CNNM2: variants seen among roughly 807,000 people sequenced by gnomAD.
CNNM2 encodes the protein metal transporter CNNM2.
In CNNM2, 12 loss-of-function variants were observed where a neutral mutation model predicts 66.9. The ratio of observed to expected loss-of-function variants is 0.18; its 90% confidence interval spans 0.11 to 0.29. CNNM2 has a LOEUF of 0.29. CNNM2 is among the 10% of genes least tolerant of loss of function. CNNM2 has a pLI of 1.00. For missense variants in CNNM2, 705 were observed against 1,167.7 expected, an observed-to-expected ratio of 0.60 and a Z score of 5.77; for synonymous variants, 557 against 501.8, an observed-to-expected ratio of 1.11 and a Z score of -1.47.
intron 4 of CNNM2, among the ~76,000 whole-genome samples, chr10:103,060,886 C>G (rs926269532): frequency 6.6e-6 from 1 of 151,756 alleles, no homozygotes; most frequent in Non-Finnish European, 1.5e-5. Flanking sequence ...AAATAAAAGT[C>G]CTAAATAGCA....
chr10:102,975,417 G>A (rs1229855623), intron 1 of CNNM2, among the ~76,000 whole-genome samples: 4 of 148,426 alleles, frequency 2.7e-5, no homozygotes, highest in Non-Finnish European at 4.5e-5. Context: ...TGAACTGGAT[G>A]GTGAATTTGC....
intron 1 of CNNM2, among the ~76,000 whole-genome samples, chr10:103,037,308 A>AG (rs1370636474): frequency 2.7e-5 from 4 of 150,630 alleles, no homozygotes; most frequent in South Asian, 2.1e-4. Context: ...ATTTTCATAG[A>AG]GGGGGGCCTC....
rs2065788885 is a variant in CNNM2 at position 103,084,865 on chromosome 10, ATTTT to A, written c.*7686_*7689del. On this transcript the variant is annotated 3_prime_UTR_variant, in exon 8 of 8. Coordinates refer to ENST00000369878, the MANE Select transcript of CNNM2 (RefSeq NM_017649.5). Reference sequence around the variant, plus strand: ...GCCTGGAGTTGATTTCTGGAAACTTATTTTATACTTTTTGAAGGTAATTTAAAAG... The same window carrying A: ...GCCTGGAGTTGATTTCTGGAAACTTAATACTTTTTGAAGGTAATTTAAAAG... 5.3e-5 allele frequency: 8 copies of A among 152,176 alleles called. No homozygotes were observed. The highest frequency in any genetic ancestry group is 5.2e-4 in the Admixed American group (8 of 15,274). The allele number at this position is 152,176 out of a possible 1,614,324, so 9.4% of individuals were successfully genotyped here. A position where few individuals can be genotyped will look rare whatever the true frequency, so the allele number is the denominator to read the frequency against.
In CNNM2 at chr10:103,086,416, T is replaced by A. The variant is rs2065811943; in HGVS notation, c.*9236T>A. The A allele has an allele frequency of 6.6e-6, 1 of 152,076 alleles. No individual in the cohort carries two copies. Among genetic ancestry groups the A allele is most frequent in the African/African-American group, 2.4e-5 (1 of 41,406 alleles). 9.4% of individuals were successfully genotyped at this position (152,076 alleles called of 1,614,324 possible). ...GACAGATTAAATAGTTTCCATAACA[T>A]GGAATGTGGGTAAGGTTCCTACCCT... is the stretch of plus-strand genomic sequence containing the variant. On this transcript the variant is annotated 3_prime_UTR_variant, in exon 8 of 8. Transcript: ENST00000369878.
intron 1 of CNNM2, among the ~76,000 whole-genome samples, chr10:102,950,736 G>A (rs946706610): frequency 1.3e-5 from 2 of 152,098 alleles, no homozygotes; most frequent in African/African-American, 4.8e-5. Flanking sequence ...CCTGGACAAC[G>A]TGAGACCCTG....
At chr10:102,989,800 C>T (rs1484777433) in intron 1 of CNNM2, among the ~76,000 whole-genome samples, 1 of 151,944 alleles carries the variant, frequency 6.6e-6, no homozygotes, top group Non-Finnish European at 1.5e-5. Flanking sequence ...AGAATCCTAT[C>T]TCAAAATAAA....
At chr10:103,039,677 C>T (rs536311323) in intron 1 of CNNM2, among the ~76,000 whole-genome samples, 3 of 151,972 alleles carry the variant, frequency 2.0e-5, no homozygotes, top group South Asian at 2.1e-4. Flanking sequence ...AGCCTAGGTA[C>T]GGTGCGGCTG....
intron 4 of CNNM2, among the ~76,000 whole-genome samples, chr10:103,065,108 A>G (rs548681062): frequency 2.0e-5 from 3 of 152,270 alleles, no homozygotes; most frequent in Admixed American, 2.0e-4. Context: ...CTGGAATGGC[A>G]GTGGTCTGGA....
chr10:102,937,465 G>T (rs1401644415), intron 1 of CNNM2, among the ~76,000 whole-genome samples: 1 of 152,104 alleles, frequency 6.6e-6, no homozygotes, highest in Non-Finnish European at 1.5e-5. Flanking sequence ...CTTATTTGGG[G>T]ACATGATGGT....
At chr10:102,959,880 G>A (rs1210376589) in intron 1 of CNNM2, among the ~76,000 whole-genome samples, 2 of 151,890 alleles carry the variant, frequency 1.3e-5, no homozygotes, top group African/African-American at 4.8e-5. Flanking sequence ...GTGAAACCCC[G>A]TCTCTACTAA....
At chr10:103,005,267 T>C (rs2064203303) in intron 1 of CNNM2, among the ~76,000 whole-genome samples, 1 of 152,190 alleles carries the variant, frequency 6.6e-6, no homozygotes, top group Non-Finnish European at 1.5e-5. Context: ...TATTTGCTAG[T>C]TCATTCTTAA....
chr10:103,065,136 C>T (rs188805099), intron 4 of CNNM2, among the ~76,000 whole-genome samples: 10 of 152,248 alleles, frequency 6.6e-5, no homozygotes, highest in African/African-American at 1.9e-4. Flanking sequence ...GTCTTGCAGC[C>T]GCCCTTGCTT....
rs1322946956 is a variant in CNNM2, at chr10:102,918,333, G to A, written c.-148G>A. On this transcript the variant is annotated 5_prime_UTR_variant, in exon 1 of 8. Transcript: ENST00000369878. This position sits in a 1 kb window ranked among gnomAD's most constrained non-coding sequence, Gnocchi z 4.1. ...CTCCCGCGAGCCTCGGGGTTCCTCA[G>A]CTGGCTGAGGTGGAGTCAGTGTCAG... 7 of 1,349,752 alleles carry A rather than the reference G, an allele frequency of 5.2e-6. No homozygotes were observed. In the South Asian group the frequency reaches 1.0e-4, roughly 20 times the overall value. The allele number at this position is 1,349,752 out of a possible 1,614,324, so 83.6% of individuals were successfully genotyped here. A position where few individuals can be genotyped will look rare whatever the true frequency, so the allele number is the denominator to read the frequency against.
In CNNM2 at chr10:102,934,329, C is replaced by G. The variant is rs1166272882; in HGVS notation, c.1621+14228C>G. ...TTGCTCTGTCGCCCAGGCTGGAGTG[C>G]AAGTGCTGTGGTGCGATCTCTGCTC... On this transcript the variant is annotated intron_variant, in intron 1 of 7. Coordinates refer to ENST00000369878, the MANE Select transcript of CNNM2 (RefSeq NM_017649.5). 2.8e-5 allele frequency among the ~76,000 whole-genome samples: 4 copies of G among 145,376 alleles called. No individual in the cohort carries two copies. The East Asian group carries it at 8.1e-4, about 29-fold the overall frequency.
intron 1 of CNNM2, among the ~76,000 whole-genome samples, chr10:102,968,673 A>G (rs1333526048): frequency 6.7e-6 from 1 of 150,162 alleles, no homozygotes; most frequent in Non-Finnish European, 1.5e-5. Context: ...GTGCGATTAT[A>G]GCTCATTGCA....
intron 1 of CNNM2, among the ~76,000 whole-genome samples, chr10:102,945,107 G>A (rs1403822127): frequency 6.6e-6 from 1 of 151,988 alleles, no homozygotes; most frequent in African/African-American, 2.4e-5. Context: ...CTCACCCAAG[G>A]ATTTTGGCAT....
In CNNM2 at chr10:102,984,728, C is replaced by T. The variant is rs556670514; in HGVS notation, c.1621+64627C>T. 4.0e-5 allele frequency among the ~76,000 whole-genome samples: 6 copies of T among 151,512 alleles called. No homozygotes were observed. The East Asian group carries it at 1.2e-3, about 30-fold the overall frequency. On this transcript the variant is annotated intron_variant, in intron 1 of 7. Transcript: ENST00000369878. ...AGGCTGGAGTGCAGTGGTGTGATCT[C>T]GGCTCACTGCAACCTCTGCCTCCCG...
At chr10:102,935,459 C>CA (rs955375053) in intron 1 of CNNM2, among the ~76,000 whole-genome samples, 3 of 151,444 alleles carry the variant, frequency 2.0e-5, no homozygotes, top group Non-Finnish European at 2.9e-5. Flanking sequence ...GACCTCATCT[C>CA]AAAAAAAACT....
intron 6 of CNNM2, among the ~76,000 whole-genome samples, chr10:103,075,672 T>C (rs2134370922): frequency 6.6e-6 from 1 of 152,340 alleles, no homozygotes; most frequent in East Asian, 1.9e-4. Context: ...AAGAGTCCCT[T>C]GTTTTTACTT....
Sources: gnomAD v4.1 joint callset for allele counts (sites outside exome capture counted in the v4.1 genomes callset) on GRCh38, gnomAD v4.1.1 for gene constraint, Gnocchi (gnomAD v3.1) non-coding constraint, MANE v1.5 for transcripts, NCBI Gene and HGNC (gene_info 2026-07-23, HGNC 2026-07-21) for gene names.